The following PPM1E variants were observed in gnomAD, a reference collection of about 807,000 sequenced individuals.
PPM1E encodes protein phosphatase 1E.
PPM1E carries 20 observed loss-of-function variants against 65.9 expected under a neutral mutation model. That is an observed-to-expected ratio of 0.30 (90% CI 0.21 to 0.44). The LOEUF (loss-of-function observed/expected upper bound fraction) is 0.44, where lower values mean the gene tolerates loss of function less well. Among genes scored for constraint, PPM1E ranks in the 20% least tolerant of loss-of-function variants. PPM1E has a pLI of 1.00. For synonymous variants in PPM1E, 352 were observed against 374.9 expected (o/e 0.94, Z 0.70); for missense variants, 713 against 953.1 (o/e 0.75, Z 3.32).
intron 4 of PPM1E, 34 bp downstream of exon 4, chr17:58,969,761 TG>T: frequency 6.3e-7 from 1 of 1,597,096 alleles, no homozygotes; most frequent in Non-Finnish European, 8.6e-7. Context: ...CAGCTAGAAA[TG>T]TACTAGCTGA....
chr17:58,964,338 G>A (rs8076121), intron 2 of PPM1E, among the ~76,000 whole-genome samples: 96,837 of 151,964 alleles, frequency 0.64, 31,226 homozygotes, highest in African/African-American at 0.71. Context: ...CAGTAGCTCA[G>A]CTTAAGTGGA....
At chr17:58,817,625 A>G (rs1423729508) in intron 1 of PPM1E, among the ~76,000 whole-genome samples, 1 of 152,224 alleles carries the variant, frequency 6.6e-6, no homozygotes, top group African/African-American at 2.4e-5. Flanking sequence ...CTGTAAATAA[A>G]TCATGTTACT....
intron 1 of PPM1E, among the ~76,000 whole-genome samples, chr17:58,803,426 C>T (rs573343463): frequency 1.3e-5 from 2 of 152,072 alleles, no homozygotes; most frequent in South Asian, 2.1e-4. Flanking sequence ...AGGGATAAAT[C>T]GCACCTGATC....
chr17:58,928,124 C>T (rs1030852630), intron 1 of PPM1E, among the ~76,000 whole-genome samples: 5 of 151,194 alleles, frequency 3.3e-5, no homozygotes, highest in African/African-American at 1.2e-4. Flanking sequence ...CTCAGCTACA[C>T]GAGAGGCTGA....
At chr17:58,777,818 T>C (rs2050008208) in intron 1 of PPM1E, among the ~76,000 whole-genome samples, 1 of 152,248 alleles carries the variant, frequency 6.6e-6, no homozygotes, top group African/African-American at 2.4e-5. Context: ...CCTCAGTACC[T>C]AGGATACTGA....
chr17:58,938,188 A>G, intron 1 of PPM1E, among the ~76,000 whole-genome samples: 1 of 152,186 alleles, frequency 6.6e-6, no homozygotes, highest in Admixed American at 6.5e-5. Context: ...TTTGGAATAG[A>G]ATTATAGAAG....
At position 58,903,440 on chromosome 17, in the gene PPM1E, C is replaced by G. The variant is rs530109737; in HGVS notation, c.465-52209C>G. 4.6e-5 allele frequency among the ~76,000 whole-genome samples: 7 copies of G among 152,278 alleles called. No individual in the cohort carries two copies. In the South Asian group the frequency reaches 1.5e-3, roughly 32 times the overall value. On this transcript the variant is annotated intron_variant, in intron 1 of 6. Coordinates refer to ENST00000308249, the MANE Select transcript of PPM1E (RefSeq NM_014906.5). Reference sequence around the variant, plus strand: ...GTTCTCAAAGCTTTTGCCTTTATCTCAAGCTTCCAGAAAATGAAAGTTTGA... The same window carrying G: ...GTTCTCAAAGCTTTTGCCTTTATCTGAAGCTTCCAGAAAATGAAAGTTTGA...
chr17:58,903,537 A>T (rs1181050152), intron 1 of PPM1E, among the ~76,000 whole-genome samples: 2 of 152,196 alleles, frequency 1.3e-5, no homozygotes, highest in Non-Finnish European at 2.9e-5. Context: ...ATGGAACCTG[A>T]AGACCTGGTT....
chr17:58,857,953 T>G (rs1433869408), intron 1 of PPM1E, among the ~76,000 whole-genome samples: 4 of 152,108 alleles, frequency 2.6e-5, no homozygotes, highest in Non-Finnish European at 5.9e-5. Context: ...ATCTAACAAA[T>G]ATTTTGAAAG....
At chr17:58,777,839 C>T (rs1378373194) in intron 1 of PPM1E, among the ~76,000 whole-genome samples, 1 of 152,182 alleles carries the variant, frequency 6.6e-6, no homozygotes, top group Non-Finnish European at 1.5e-5. Context: ...ATGCTTAGGA[C>T]ATAGAAGGTT....
intron 1 of PPM1E, among the ~76,000 whole-genome samples, chr17:58,932,731 A>T (rs982704799): frequency 1.1e-4 from 16 of 152,182 alleles, no homozygotes; most frequent in African/African-American, 3.9e-4. Context: ...ACGATGTTGG[A>T]GCTTTTGGAA....
At chr17:58,770,556 A>AT (rs1366308959) in intron 1 of PPM1E, among the ~76,000 whole-genome samples, 2 of 152,158 alleles carry the variant, frequency 1.3e-5, no homozygotes, top group Admixed American at 1.3e-4. Context: ...CAAGTAAAAT[A>AT]TATTGATTAT....
chr17:58,811,965 G>A (rs1174141214), intron 1 of PPM1E, among the ~76,000 whole-genome samples: 5 of 151,942 alleles, frequency 3.3e-5, no homozygotes, highest in Admixed American at 6.6e-5. Flanking sequence ...CACTGCTCCC[G>A]GCCAATTTAT....
At chr17:58,808,906 A>T (rs2050339744) in intron 1 of PPM1E, among the ~76,000 whole-genome samples, 1 of 152,176 alleles carries the variant, frequency 6.6e-6, no homozygotes. Flanking sequence ...AAAAATACAC[A>T]AAGTTGACAA....
intron 1 of PPM1E, among the ~76,000 whole-genome samples, chr17:58,859,426 G>A (rs752184732): frequency 3.9e-5 from 6 of 152,152 alleles, no homozygotes; most frequent in Admixed American, 6.5e-5. Context: ...TATCAAGATC[G>A]TTTGAAGAAA....
rs9894853 is a variant in PPM1E at position 58,955,250 on chromosome 17, A to G, written c.465-399A>G. Among the ~76,000 whole-genome samples the G allele has an allele frequency of 9.3e-4, 141 of 152,304 alleles. 1 individual carries two copies. Among genetic ancestry groups the G allele is most frequent in the African/African-American group, 3.3e-3 (138 of 41,584 alleles). On this transcript the variant is annotated intron_variant, in intron 1 of 6. Coordinates refer to ENST00000308249, the MANE Select transcript of PPM1E (RefSeq NM_014906.5). Reference sequence around the variant, plus strand: ...CATGGTGGCACATGCCTGTAGTCCCAGCTGCTTGAAAGGCTGAGGCAGGAG... The same window carrying G: ...CATGGTGGCACATGCCTGTAGTCCCGGCTGCTTGAAAGGCTGAGGCAGGAG...
intron 1 of PPM1E, among the ~76,000 whole-genome samples, chr17:58,818,865 A>G (rs1407385221): frequency 6.6e-6 from 1 of 152,202 alleles, no homozygotes; most frequent in Non-Finnish European, 1.5e-5. Flanking sequence ...AGCCAGGTGC[A>G]GTGGCACGTG....
intron 1 of PPM1E, among the ~76,000 whole-genome samples, chr17:58,762,255 T>C (rs2049828788): frequency 6.6e-6 from 1 of 152,114 alleles, no homozygotes; most frequent in African/African-American, 2.4e-5. Flanking sequence ...TCCCAACACT[T>C]TGGGAGGCTG....
At position 58,980,321 on chromosome 17, in the gene PPM1E, G is replaced by A. The variant is rs147003260; in HGVS notation, c.1558G>A (p.Glu520Lys). Residue 520 changes from glutamate (E) to lysine (K), a missense_variant, in exon 7 of 7, where the codon GAG becomes AAG. Physicochemically the swap from Glu to Lys is moderately conservative, Grantham distance 56. Transcript: ENST00000308249. This position sits in a 1 kb window ranked among gnomAD's most constrained non-coding sequence, Gnocchi z 4.7. ...GGQEDGGDDK[E>K]NHGECKRPWP... ...GCAAGAAGATGGTGGGGATGATAAG[G>A]AGAATCATGGAGAGTGCAAACGCCC... 1 of 1,614,100 alleles carries A rather than the reference G, an allele frequency of 6.2e-7. No homozygotes were observed. The highest frequency in any genetic ancestry group is 8.5e-7 in the Non-Finnish European group (1 of 1,180,030).
Sources: gnomAD v4.1 joint callset for allele counts (sites outside exome capture counted in the v4.1 genomes callset) on GRCh38, gnomAD v4.1.1 for gene constraint, Gnocchi (gnomAD v3.1) non-coding constraint, MANE v1.5 for transcripts, NCBI Gene and HGNC (gene_info 2026-07-23, HGNC 2026-07-21) for gene names.